CD2AP: variants seen among roughly 807,000 people sequenced by gnomAD.
CD2AP encodes CD2 associated protein, also known as CD2-associated protein.
In CD2AP, 46 loss-of-function variants were observed where a neutral mutation model predicts 85.1. That is an observed-to-expected ratio of 0.54 (90% confidence interval 0.43 to 0.69). The LOEUF (loss-of-function observed/expected upper bound fraction) is 0.69. CD2AP is among the 30% of genes least tolerant of loss of function. The probability of loss-of-function intolerance (pLI) is 0.00; values close to 1 mark genes in which losing one functional copy is unlikely to be tolerated. For synonymous variants in CD2AP, 255 were observed against 252.9 expected, an observed-to-expected ratio of 1.01 and a Z score of -0.08; for missense variants, 769 against 729.5, an observed-to-expected ratio of 1.05 and a Z score of -0.62.
intron 13 of CD2AP, among the ~76,000 whole-genome samples, chr6:47,602,021 C>T (rs1769153109): frequency 1.3e-5 from 2 of 151,786 alleles, no homozygotes; most frequent in African/African-American, 4.8e-5. Flanking sequence ...TCCTTCTTTC[C>T]TCCCTCCTCC....
chr6:47,521,317 C>T (rs942024667), intron 2 of CD2AP, among the ~76,000 whole-genome samples: 3 of 151,792 alleles, frequency 2.0e-5, no homozygotes, highest in Non-Finnish European at 4.4e-5. Context: ...TTTGGGAGGT[C>T]GAGGCGGGCA....
intron 1 of CD2AP, among the ~76,000 whole-genome samples, chr6:47,491,137 T>C (rs1265522346): frequency 6.6e-6 from 1 of 152,112 alleles, no homozygotes. Context: ...CGTTTCTCTA[T>C]TTATGGTAAA....
intron 17 of CD2AP, among the ~76,000 whole-genome samples, chr6:47,621,289 C>G (rs1769737082): frequency 6.6e-6 from 1 of 152,130 alleles, no homozygotes; most frequent in Non-Finnish European, 1.5e-5. Context: ...TTTTCTGCAT[C>G]TATTGAGATG....
intron 1 of CD2AP, among the ~76,000 whole-genome samples, chr6:47,495,843 G>A (rs527313863): frequency 2.7e-4 from 41 of 152,124 alleles, no homozygotes; most frequent in African/African-American, 9.6e-4. Flanking sequence ...TGCTTTTTCT[G>A]TTATTTTAGT....
chr6:47,531,559 C>T (rs78875393), intron 2 of CD2AP, among the ~76,000 whole-genome samples: 1 of 150,760 alleles, frequency 6.6e-6, no homozygotes, highest in East Asian at 2.0e-4. Context: ...ATAAACAATC[C>T]TCCTGTTCTC....
At chr6:47,608,423 C>T (rs1232240688) in intron 15 of CD2AP, among the ~76,000 whole-genome samples, 1 of 152,002 alleles carries the variant, frequency 6.6e-6, no homozygotes, top group African/African-American at 2.4e-5. Flanking sequence ...GTCCATGGAT[C>T]CTTTCATCTG....
At chr6:47,610,012 A>G (rs748602325) in intron 16 of CD2AP, among the ~76,000 whole-genome samples, 1 of 152,086 alleles carries the variant, frequency 6.6e-6, no homozygotes, top group Non-Finnish European at 1.5e-5. Context: ...ATGTGTTGGG[A>G]TAGGTGATCT....
chr6:47,497,352 CT>C lies in CD2AP; in HGVS notation c.5-5926del, dbSNP rs145907431. 3.0e-3 allele frequency among the ~76,000 whole-genome samples: 245 copies of C among 80,656 alleles called. 2 individuals are homozygous for C. The highest frequency in any genetic ancestry group is 8.1e-3 in the African/African-American group (149 of 18,346). 52.9% of individuals were successfully genotyped at this position (80,656 alleles called of 152,430 possible). On this transcript the variant is annotated intron_variant, in intron 1 of 17. Transcript: ENST00000359314. Reference sequence around the variant, plus strand: ...TTTCCTTTCCCTTCCCTTCCCTCCCCTTCCCCTTCCCCTTCCCCTTCTCCTT... The same window carrying C: ...TTTCCTTTCCCTTCCCTTCCCTCCCCTCCCCTTCCCCTTCCCCTTCTCCTT...
Position 47,577,037 on chromosome 6 carries a change from C to T in CD2AP, c.837C>T (p.Ala279=), listed in dbSNP as rs765258692. 2.2e-5 allele frequency: 33 copies of T among 1,517,746 alleles called. No homozygotes were observed. Among genetic ancestry groups the T allele is most frequent in the Non-Finnish European group, 2.7e-5 (30 of 1,092,730 alleles). 94.0% of individuals were successfully genotyped at this position (1,517,746 alleles called of 1,614,324 possible). ...AAGAATATTGTAGAACATTATTTGC[C>T]TATGAAGGTACTAATGAAGATGAAC... ...KAKEYCRTLF[A]YEGTNEDELT... Residue 279 remains alanine, a synonymous_variant, in exon 8 of 18, where the codon GCC becomes GCT. Coordinates refer to ENST00000359314, the MANE Select transcript of CD2AP (RefSeq NM_012120.3).
intron 3 of CD2AP, among the ~76,000 whole-genome samples, chr6:47,537,881 C>G (rs938894695): frequency 6.6e-6 from 1 of 151,516 alleles, no homozygotes; most frequent in Admixed American, 6.6e-5. Context: ...TCCCCAGTAG[C>G]TGGAATTACA....
chr6:47,529,182 TGCCCC>T (rs1766805237), intron 2 of CD2AP, among the ~76,000 whole-genome samples: 5 of 43,636 alleles, frequency 1.1e-4, no homozygotes, highest in Non-Finnish European at 1.9e-4. Flanking sequence ...ACTCTAGTAC[TGCCCC>T]CCCCCCCCCC....
chr6:47,610,109 C>G (rs1769389600), intron 16 of CD2AP, among the ~76,000 whole-genome samples: 1 of 152,068 alleles, frequency 6.6e-6, no homozygotes, highest in Non-Finnish European at 1.5e-5. Flanking sequence ...CTTTTTAGAG[C>G]TAAAACAAAT....
intron 6 of CD2AP, among the ~76,000 whole-genome samples, chr6:47,576,069 G>GTTT (rs1768300700): frequency 1.3e-5 from 2 of 152,032 alleles, no homozygotes; most frequent in Non-Finnish European, 2.9e-5. Context: ...TTTATTTATT[G>GTTT]TATTTGTTTT....
intron 5 of CD2AP, among the ~76,000 whole-genome samples, chr6:47,558,285 T>C (rs1404988086): frequency 6.6e-6 from 1 of 152,200 alleles, no homozygotes; most frequent in East Asian, 1.9e-4. Flanking sequence ...GAGATAATTT[T>C]ACTTCCTCTC....
intron 2 of CD2AP, among the ~76,000 whole-genome samples, chr6:47,513,049 A>G (rs1356474404): frequency 1.3e-5 from 2 of 151,964 alleles, no homozygotes; most frequent in African/African-American, 2.4e-5. Context: ...GTGTTAGTTT[A>G]TTTTCTAGGT....
Position 47,522,250 on chromosome 6 carries a change from C to T in CD2AP, c.166-11352C>T, listed in dbSNP as rs147989828. ...CATGGAAAAAGCAGAGAAATATCAGCGGAATGATATCAAAAGAGAAGGTTA... is the reference window on the plus strand; with the variant it reads ...CATGGAAAAAGCAGAGAAATATCAGTGGAATGATATCAAAAGAGAAGGTTA... On this transcript the variant is annotated intron_variant, in intron 2 of 17. Transcript: ENST00000359314. Among the ~76,000 whole-genome samples, 242 of 152,120 alleles carry T rather than the reference C, an allele frequency of 1.6e-3. 1 individual carries two copies. Among genetic ancestry groups the T allele is most frequent in the African/African-American group, 5.6e-3 (232 of 41,488 alleles).
In CD2AP at chr6:47,580,115, A is replaced by G. The variant is rs578128552; in HGVS notation, c.1008+626A>G. Among the ~76,000 whole-genome samples the G allele has an allele frequency of 4.6e-5, 7 of 152,334 alleles. No individual in the cohort carries two copies. The South Asian group carries it at 8.3e-4, about 18-fold the overall frequency. On this transcript the variant is annotated intron_variant, in intron 9 of 17. Coordinates refer to ENST00000359314, the MANE Select transcript of CD2AP (RefSeq NM_012120.3). ...AGCCAATGCATAACTCTCCAACTCTATGGAAGCTTAGGCTGTCTGAGGCCT... is the reference window on the plus strand; with the variant it reads ...AGCCAATGCATAACTCTCCAACTCTGTGGAAGCTTAGGCTGTCTGAGGCCT...
At chr6:47,526,935 T>C (rs1766743826) in intron 2 of CD2AP, among the ~76,000 whole-genome samples, 1 of 152,280 alleles carries the variant, frequency 6.6e-6, no homozygotes, top group South Asian at 2.1e-4. Context: ...AAATACTTAG[T>C]GCAGTCTGAA....
At chr6:47,571,925 A>T (rs1432118181) in intron 5 of CD2AP, among the ~76,000 whole-genome samples, 1 of 152,158 alleles carries the variant, frequency 6.6e-6, no homozygotes, top group Non-Finnish European at 1.5e-5. Flanking sequence ...AAAAAATTAA[A>T]AATTTGCCAG....
Sources: allele counts gnomAD v4.1 joint callset (sites outside exome capture counted in the v4.1 genomes callset), GRCh38; gene constraint gnomAD v4.1.1; transcripts MANE v1.5; gene names NCBI Gene and HGNC (gene_info 2026-07-23, HGNC 2026-07-21).